AHCY: variants seen among roughly 807,000 people sequenced by gnomAD.
AHCY encodes the protein adenosylhomocysteinase, also known as S-adenosyl-L-homocysteine hydrolase.
Under a neutral mutation model 45.4 loss-of-function variants are expected in AHCY, and 24 were observed. The observed-to-expected ratio is 0.53, with a 90% CI of 0.38 to 0.74. The LOEUF is 0.74. AHCY is among the 30% of genes least tolerant of loss of function. The pLI is 0.00. For missense variants in AHCY, 449 were observed against 594.1 expected (o/e 0.76, Z 2.54); for synonymous variants, 245 against 235.1 (o/e 1.04, Z -0.39).
the AHCY span, among the ~76,000 whole-genome samples, chr20:34,232,209 G>A: frequency 2.6e-5 from 4 of 152,194 alleles, no homozygotes; most frequent in Non-Finnish European, 1.5e-5. Context: ...TTACTTCACA[G>A]CTCAAAGTTG....
At chr20:34,273,809 G>C in the AHCY span, among the ~76,000 whole-genome samples, 3 of 152,146 alleles carry the variant, frequency 2.0e-5, no homozygotes, top group Non-Finnish European at 4.4e-5. Flanking sequence ...ATTGGGTTCA[G>C]GAAGGAGGAA....
chr20:34,264,527 C>G, the AHCY span, among the ~76,000 whole-genome samples: 2 of 152,112 alleles, frequency 1.3e-5, no homozygotes, highest in Non-Finnish European at 2.9e-5. Context: ...TGGAAGTGTT[C>G]CCAAGAAGCA....
rs763399683 is a variant in AHCY, at chr20:34,290,951, G to C, written c.559-13C>G. On this transcript the variant is annotated splice_polypyrimidine_tract_variant and intron_variant, in intron 5 of 9. Transcript: ENST00000217426. The surrounding 1 kb of genome is among the most constrained non-coding windows in gnomAD (Gnocchi z 4.5). ...TGTCAAACTTGCTCTGAAAGGAAAGGGGGTAAGGAGACAATAGGGGCAGGC... is the reference window on the plus strand; with the variant it reads ...TGTCAAACTTGCTCTGAAAGGAAAGCGGGTAAGGAGACAATAGGGGCAGGC... The C allele has an allele frequency of 1.1e-5, 18 of 1,613,674 alleles. No homozygotes were observed. Among genetic ancestry groups the C allele is most frequent in the African/African-American group, 1.1e-4 (8 of 74,878 alleles).
chr20:34,308,157 C>T (rs1204557782), upstream of AHCY, among the ~76,000 whole-genome samples: 2 of 152,186 alleles, frequency 1.3e-5, no homozygotes, highest in Non-Finnish European at 2.9e-5. Context: ...GCATAGTATT[C>T]CATGGTGTAT....
intron 4 of AHCY, 78 bp from the exon 5 acceptor site, chr20:34,291,609 AG>A: frequency 7.7e-7 from 1 of 1,302,044 alleles, no homozygotes; most frequent in Non-Finnish European, 1.1e-6. Flanking sequence ...TACCCCCTAA[AG>A]CCATTCCTCT....
chr20:34,253,011 C>G, the AHCY span, among the ~76,000 whole-genome samples: 3 of 152,306 alleles, frequency 2.0e-5, no homozygotes, highest in African/African-American at 7.2e-5. Context: ...AACAGCATCT[C>G]AAAGCAGAAA....
downstream of AHCY, among the ~76,000 whole-genome samples, chr20:34,279,949 C>CA (rs896472557): frequency 1.1e-4 from 16 of 151,102 alleles, no homozygotes; most frequent in East Asian, 3.9e-4. Flanking sequence ...CTAAAAATAC[C>CA]AAAAAAAAAT....
the AHCY span, among the ~76,000 whole-genome samples, chr20:34,274,156 A>G: frequency 6.6e-6 from 1 of 152,218 alleles, no homozygotes; most frequent in African/African-American, 2.4e-5. Context: ...GCTGCTGCTC[A>G]CTGCTCGAGG....
At chr20:34,300,716 C>T (rs2122817682) in intron 1 of AHCY, among the ~76,000 whole-genome samples, 1 of 152,290 alleles carries the variant, frequency 6.6e-6, no homozygotes, top group Admixed American at 6.5e-5. Context: ...AGTGGGGAAC[C>T]TACAGTTTTC....
the AHCY span, among the ~76,000 whole-genome samples, chr20:34,264,383 GTC>G: frequency 6.6e-6 from 1 of 152,188 alleles, no homozygotes; most frequent in Non-Finnish European, 1.5e-5. Flanking sequence ...TGCACAAGGA[GTC>G]TCACCAGGAA....
Position 34,295,574 on chromosome 20 carries a change from G to A in AHCY, c.40C>T (p.Leu14=), listed in dbSNP as rs1160209653. ...AGGGCCTTGCGTCCCCAGGCAGCCA[G>A]GCCGATGTCGGCTACGGGAGGAAAC... is the stretch of plus-strand genomic sequence containing the variant. ...KLPYKVADIG[L]AAWGRKALDI... The change falls in exon 2 of 10, where the codon CTG becomes TTG. Residue 14 remains leucine, a synonymous_variant. Transcript: ENST00000217426. 6.2e-7 allele frequency: 1 copy of A among 1,614,106 alleles called. No homozygotes were observed. Among genetic ancestry groups the A allele is most frequent in the Non-Finnish European group, 8.5e-7 (1 of 1,180,008 alleles).
chr20:34,295,096 G>A lies in AHCY; in HGVS notation c.219+299C>T, dbSNP rs1357286904. ...ACCCCCGAAGGGCCAAGGCAAGCTG[G>A]CCCTTAAGAGACTAAGTAGGACATG... is the stretch of plus-strand genomic sequence containing the variant. On this transcript the variant is annotated intron_variant, in intron 2 of 9. Coordinates refer to ENST00000217426, the MANE Select transcript of AHCY (RefSeq NM_000687.4). 2.6e-5 allele frequency: 13 copies of A among 491,154 alleles called. No homozygotes were observed. The East Asian group carries it at 5.2e-4, about 20-fold the overall frequency. The allele number at this position is 491,154 out of a possible 1,614,324, so 30.4% of individuals were successfully genotyped here. A position where few individuals can be genotyped will look rare whatever the true frequency, so the allele number is the denominator to read the frequency against.
Position 34,291,428 on chromosome 20 carries a change from G to A in AHCY, c.549C>T (p.Ser183=), listed in dbSNP as rs760896190. ...LKVPAINVND[S]VTKSKFDNLY... is the part of the protein sequence containing the mutation. ...CTGCCCCTCGGCTCACCTTGGTGAC[G>A]GAGTCATTGACATTGATGGCAGGCA... Residue 183 remains serine (S), a synonymous_variant, in exon 5 of 10, where the codon TCC becomes TCT. Transcript: ENST00000217426. 79 of 1,613,730 alleles carry A rather than the reference G, an allele frequency of 4.9e-5. No individual in the cohort carries two copies. The highest frequency in any genetic ancestry group is 2.0e-4 in the African/African-American group (15 of 74,912).
At chr20:34,257,532 A>C in the AHCY span, among the ~76,000 whole-genome samples, 1 of 152,144 alleles carries the variant, frequency 6.6e-6, no homozygotes, top group East Asian at 1.9e-4. Context: ...ACAGAATAAA[A>C]ATTTTAAATA....
chr20:34,239,098 A>G, the AHCY span, among the ~76,000 whole-genome samples: 33 of 152,294 alleles, frequency 2.2e-4, no homozygotes, highest in African/African-American at 7.2e-4. Context: ...GTCTTTCTCT[A>G]GAAACTTGAT....
the AHCY span, among the ~76,000 whole-genome samples, chr20:34,271,798 CA>C: frequency 2.6e-5 from 4 of 152,212 alleles, no homozygotes; most frequent in Non-Finnish European, 5.9e-5. Flanking sequence ...ATCCTGACCT[CA>C]AACTATCTGC....
At chr20:34,281,461 T>A (rs1214243521) in intron 9 of AHCY, among the ~76,000 whole-genome samples, 2 of 152,176 alleles carry the variant, frequency 1.3e-5, no homozygotes, top group Non-Finnish European at 2.9e-5. Flanking sequence ...TTCTCTGGAA[T>A]TGATCTATGC....
the AHCY span, among the ~76,000 whole-genome samples, chr20:34,274,924 C>A: frequency 1.3e-5 from 2 of 152,086 alleles, 1 homozygote; most frequent in Non-Finnish European, 2.9e-5. Flanking sequence ...TATACTCCAG[C>A]CTGGATGACA....
At chr20:34,245,016 C>T in the AHCY span, among the ~76,000 whole-genome samples, 4 of 152,010 alleles carry the variant, frequency 2.6e-5, no homozygotes, top group Non-Finnish European at 4.4e-5. Flanking sequence ...AAAAGTCTAC[C>T]GGGTTTTTCA....
Sources: allele counts gnomAD v4.1 joint callset (sites outside exome capture counted in the v4.1 genomes callset), GRCh38; gene constraint gnomAD v4.1.1; non-coding constraint Gnocchi (gnomAD v3.1); transcripts MANE v1.5; gene names NCBI Gene and HGNC (gene_info 2026-07-23, HGNC 2026-07-21).